MCTP2: variants seen among roughly 807,000 people sequenced by gnomAD.
MCTP2 encodes multiple C2 and transmembrane domain-containing protein 2.
In MCTP2, 132 loss-of-function variants were observed where a neutral mutation model predicts 111.6. The ratio of observed to expected loss-of-function variants is 1.18; its 90% confidence interval spans 1.03 to 1.37. MCTP2 has a LOEUF of 1.37. Among genes scored for constraint, MCTP2 ranks in the 40% most tolerant of loss-of-function variants. The pLI is 0.00. For missense variants in MCTP2, 1,183 were observed against 1,067.9 expected (o/e 1.11, Z -1.50); for synonymous variants, 395 against 387.7 (o/e 1.02, Z -0.22).
chr15:94,445,399 AT>A (rs1252552869), intron 19 of MCTP2, among the ~76,000 whole-genome samples: 1 of 152,178 alleles, frequency 6.6e-6, no homozygotes, highest in African/African-American at 2.4e-5. Context: ...CTAAAATGAT[AT>A]TTTGACTTCT....
At chr15:94,374,044 T>C (rs1428152960) in intron 12 of MCTP2, among the ~76,000 whole-genome samples, 1 of 152,184 alleles carries the variant, frequency 6.6e-6, no homozygotes, top group Non-Finnish European at 1.5e-5. Context: ...AATGATTAAC[T>C]GAAAAAGAGA....
At chr15:94,232,676 C>T (rs2070270267) in intron 1 of MCTP2, among the ~76,000 whole-genome samples, 2 of 152,260 alleles carry the variant, frequency 1.3e-5, no homozygotes, top group South Asian at 4.1e-4. Context: ...TCTTAAGGCA[C>T]TTATTCCTCA....
chr15:94,414,779 GGGTT>G (rs1481040134), intron 17 of MCTP2, among the ~76,000 whole-genome samples: 3 of 152,090 alleles, frequency 2.0e-5, no homozygotes, highest in Non-Finnish European at 2.9e-5. Context: ...CATGTTTTGG[GGGTT>G]GGTTCCATTC....
At chr15:94,448,988 C>T (rs777780965) in intron 19 of MCTP2, among the ~76,000 whole-genome samples, 4 of 152,042 alleles carry the variant, frequency 2.6e-5, no homozygotes, top group Non-Finnish European at 4.4e-5. Flanking sequence ...TGCGGTGAGC[C>T]GAGATCGTGC....
intron 1 of MCTP2, among the ~76,000 whole-genome samples, chr15:94,285,574 A>AT (rs2074712245): frequency 6.6e-6 from 1 of 152,140 alleles, no homozygotes; most frequent in African/African-American, 2.4e-5. Context: ...TCACTTACAC[A>AT]TTTTATTGAA....
intron 10 of MCTP2, among the ~76,000 whole-genome samples, chr15:94,359,344 G>A (rs903855067): frequency 2.6e-5 from 4 of 152,182 alleles, no homozygotes; most frequent in African/African-American, 9.6e-5. Context: ...GAGCTCCAGA[G>A]TCAGGATTTT....
In MCTP2 at chr15:94,356,300, A is replaced by AG. The variant is rs2078621061; in HGVS notation, c.1170+1dup. ...CTGGGAGATCAGAGGTATAAAAGTAAGGTAAGTTCCATCTTTTCCATAAGG... is the reference window on the plus strand; with the variant it reads ...CTGGGAGATCAGAGGTATAAAAGTAAGGGTAAGTTCCATCTTTTCCATAAGG... On this transcript the variant is annotated frameshift_variant and splice_region_variant, in exon 9 of 23. Coordinates refer to ENST00000357742, the MANE Select transcript of MCTP2 (RefSeq NM_001385001.1). LOFTEE classifies it high-confidence loss of function. 6.3e-7 allele frequency: 1 copy of AG among 1,586,932 alleles called. No individual in the cohort carries two copies. Among genetic ancestry groups the AG allele is most frequent in the African/African-American group, 1.4e-5 (1 of 73,536 alleles).
chr15:94,330,476 A>G (rs1312110309), intron 4 of MCTP2, among the ~76,000 whole-genome samples: 1 of 152,016 alleles, frequency 6.6e-6, no homozygotes, highest in Non-Finnish European at 1.5e-5. Flanking sequence ...ATTCTAAGCA[A>G]CTGTATTCAT....
At chr15:94,269,743 C>T (rs573239754) in intron 1 of MCTP2, among the ~76,000 whole-genome samples, 9 of 152,204 alleles carry the variant, frequency 5.9e-5, no homozygotes, top group African/African-American at 9.6e-5. Flanking sequence ...ATTATATTCC[C>T]GAGTTCACAG....
intron 17 of MCTP2, among the ~76,000 whole-genome samples, chr15:94,422,591 G>A (rs1011493499): frequency 6.6e-6 from 1 of 152,084 alleles, no homozygotes; most frequent in South Asian, 2.1e-4. Flanking sequence ...GTCACCTGAT[G>A]TATCTAAATA....
chr15:94,456,656 G>C (rs189457790), intron 19 of MCTP2, among the ~76,000 whole-genome samples: 1 of 152,312 alleles, frequency 6.6e-6, no homozygotes, highest in East Asian at 1.9e-4. Flanking sequence ...GGATAAAAAA[G>C]TAAAAGTATC....
chr15:94,470,812 AT>A (rs2073862819), intron 21 of MCTP2, among the ~76,000 whole-genome samples: 1 of 152,138 alleles, frequency 6.6e-6, no homozygotes, highest in South Asian at 2.1e-4. Flanking sequence ...CCTTGATATT[AT>A]GTAAAAGTGG....
chr15:94,245,700 A>ATG (rs1295758813), intron 1 of MCTP2, among the ~76,000 whole-genome samples: 1 of 142,890 alleles, frequency 7.0e-6, no homozygotes, highest in Non-Finnish European at 1.5e-5. Context: ...ATATATAAAT[A>ATG]TATGTGTGTG....
chr15:94,468,281 CAG>C (rs1248401652), intron 20 of MCTP2, among the ~76,000 whole-genome samples: 5 of 151,550 alleles, frequency 3.3e-5, no homozygotes, highest in South Asian at 2.1e-4. Context: ...TTAATTCTAG[CAG>C]AATCTGTGAT....
intron 1 of MCTP2, among the ~76,000 whole-genome samples, chr15:94,246,798 G>T (rs1361158940): frequency 3.3e-5 from 5 of 152,186 alleles, no homozygotes; most frequent in Non-Finnish European, 7.3e-5. Context: ...GCTGACACTG[G>T]CATTGATGGA....
intron 1 of MCTP2, among the ~76,000 whole-genome samples, chr15:94,239,063 C>T (rs1357468330): frequency 7.0e-6 from 1 of 142,382 alleles, no homozygotes; most frequent in Non-Finnish European, 1.6e-5. Context: ...AAATTAAAAA[C>T]AAAAATACCA....
At chr15:94,468,749 C>G (rs2073641361) in intron 20 of MCTP2, among the ~76,000 whole-genome samples, 1 of 152,108 alleles carries the variant, frequency 6.6e-6, no homozygotes, top group African/African-American at 2.4e-5. Flanking sequence ...ATTCTCCTGC[C>G]TCCCAAGTAG....
intron 20 of MCTP2, among the ~76,000 whole-genome samples, chr15:94,462,365 ATTACCTTC>A (rs1262521742): frequency 6.6e-6 from 1 of 152,204 alleles, no homozygotes; most frequent in Admixed American, 6.5e-5. Flanking sequence ...TAAGTCAGGG[ATTACCTTC>A]TGAGGATTTA....
chr15:94,257,566 G>GTTTTTTTTTTTTTTTTTT (rs1220635423), intron 1 of MCTP2, among the ~76,000 whole-genome samples: 5 of 73,004 alleles, frequency 6.8e-5, no homozygotes, highest in East Asian at 1.1e-3. Context: ...CATTTTCTTT[G>GTTTTTTTTTTTTTTTTTT]TTGTTTTTTT....
Sources: gnomAD v4.1 joint callset for allele counts (sites outside exome capture counted in the v4.1 genomes callset) on GRCh38, gnomAD v4.1.1 for gene constraint, MANE v1.5 for transcripts, NCBI Gene and HGNC (gene_info 2026-07-23, HGNC 2026-07-21) for gene names.